Variants in JPH3 observed in about 807,000 individuals in gnomAD.
JPH3 encodes junctophilin-3.
Under a neutral mutation model 59.6 loss-of-function variants are expected in JPH3, and 11 were observed. The observed-to-expected ratio is 0.18, with a 90% CI of 0.12 to 0.31. The LOEUF (loss-of-function observed/expected upper bound fraction) is 0.31. JPH3 is among the 10% of genes least tolerant of loss of function. JPH3 has a pLI of 1.00. For synonymous variants in JPH3, 673 were observed against 483.6 expected, an observed-to-expected ratio of 1.39 and a Z score of -5.14; for missense variants, 1,202 against 1,105.7, an observed-to-expected ratio of 1.09 and a Z score of -1.24.
intron 1 of JPH3, among the ~76,000 whole-genome samples, chr16:87,612,410 C>A (rs1378088282): frequency 2.0e-5 from 3 of 152,024 alleles, no homozygotes; most frequent in African/African-American, 4.8e-5. Flanking sequence ...GTGTGAGCAA[C>A]TTTTTTACAG....
chr16:87,636,699 C>A (rs964628040), intron 1 of JPH3, among the ~76,000 whole-genome samples: 1 of 152,220 alleles, frequency 6.6e-6, no homozygotes, highest in Non-Finnish European at 1.5e-5. Flanking sequence ...GAGCTATGTT[C>A]CCACCAGGGG....
At chr16:87,638,664 C>T (rs1327663964) in intron 1 of JPH3, among the ~76,000 whole-genome samples, 1 of 152,064 alleles carries the variant, frequency 6.6e-6, no homozygotes, top group African/African-American at 2.4e-5. Flanking sequence ...ACCCGGGGTC[C>T]CTGCTCTGCT....
chr16:87,650,796 C>G (rs932048152), intron 2 of JPH3, among the ~76,000 whole-genome samples: 1 of 152,306 alleles, frequency 6.6e-6, no homozygotes, highest in East Asian at 1.9e-4. Flanking sequence ...GAGCTGGAAA[C>G]GAGCAGAGGC....
At chr16:87,684,111 C>A in intron 2 of JPH3, 31 bp from the exon 3 acceptor site, 1 of 1,581,350 alleles carries the variant, frequency 6.3e-7, no homozygotes, top group African/African-American at 1.3e-5. Flanking sequence ...TGCCCCCTGC[C>A]CCCCCTCACG....
chr16:87,636,407 T>G (rs957188473), intron 1 of JPH3, among the ~76,000 whole-genome samples: 2 of 152,230 alleles, frequency 1.3e-5, no homozygotes, highest in African/African-American at 4.8e-5. Context: ...GCCGAGCTGA[T>G]GGTGCAGGCG....
Position 87,690,271 on chromosome 16 carries a change from G to C in JPH3, c.1911G>C (p.Arg637=). The change falls in exon 4 of 5, where the codon CGG becomes CGC. Residue 637 remains arginine, a synonymous_variant. Transcript: ENST00000284262. ...KRRYSKGGAC[R]GLGDDHRPED... ...GCTACAGCAAGGGCGGCGCCTGCCG[G>C]GGCTTGGGGGACGACCACCGCCCCG... The C allele has an allele frequency of 6.2e-7, 1 of 1,602,092 alleles. No homozygotes were observed.
At chr16:87,674,233 G>A (rs552826673) in intron 2 of JPH3, among the ~76,000 whole-genome samples, 3 of 152,078 alleles carry the variant, frequency 2.0e-5, no homozygotes, top group African/African-American at 7.2e-5. Flanking sequence ...ACTCGGGAGT[G>A]TGAGGCAGGA....
chr16:87,630,761 G>A (rs527502115), intron 1 of JPH3, among the ~76,000 whole-genome samples: 50 of 152,188 alleles, frequency 3.3e-4, no homozygotes, highest in South Asian at 6.2e-4. Context: ...TGTGTTTGCC[G>A]CTTCCTGAGC....
intron 2 of JPH3, among the ~76,000 whole-genome samples, chr16:87,666,598 A>G (rs563248919): frequency 7.2e-5 from 11 of 151,954 alleles, no homozygotes; most frequent in Non-Finnish European, 1.0e-4. Flanking sequence ...GGGTCTCCCT[A>G]TGTTGGTCAG....
chr16:87,631,066 C>T (rs1254957952), intron 1 of JPH3, among the ~76,000 whole-genome samples: 2 of 152,062 alleles, frequency 1.3e-5, no homozygotes, highest in African/African-American at 4.8e-5. Context: ...TTTCACCTTC[C>T]AACTGCTCAG....
chr16:87,683,492 G>C (rs2033344563), intron 2 of JPH3, among the ~76,000 whole-genome samples: 1 of 151,968 alleles, frequency 6.6e-6, no homozygotes, highest in Non-Finnish European at 1.5e-5. Flanking sequence ...TTTTAGTAGA[G>C]ACGGAGTTTC....
chr16:87,655,329 C>G (rs556190926), intron 2 of JPH3, among the ~76,000 whole-genome samples: 101 of 152,254 alleles, frequency 6.6e-4, no homozygotes, highest in African/African-American at 2.4e-3. Context: ...GGTTACAAAA[C>G]AAATAATTTT....
intron 2 of JPH3, among the ~76,000 whole-genome samples, chr16:87,677,225 C>CAAAAAAA (rs59575544): frequency 1.2e-4 from 10 of 81,724 alleles, no homozygotes; most frequent in African/African-American, 4.3e-4. Context: ...CACACACACA[C>CAAAAAAA]AAAAAAAAAA....
chr16:87,645,519 C>T (rs2032117781), intron 2 of JPH3, among the ~76,000 whole-genome samples: 1 of 152,144 alleles, frequency 6.6e-6, no homozygotes, highest in South Asian at 2.1e-4. Context: ...TGGGAGATGG[C>T]AGCAGTTGGG....
rs141265680 is a variant in JPH3 at position 87,645,973 on chromosome 16, C to A, written c.1160+938C>A. On this transcript the variant is annotated intron_variant, in intron 2 of 4. Transcript: ENST00000284262. ...AAAACCCAGAGCCTTTGCTTTCCAC[C>A]GGCATTTGCTTTCCTGGGCCAGACG... Among the ~76,000 whole-genome samples the A allele has an allele frequency of 1.5e-3, 221 of 152,348 alleles. 4 individuals carry two copies. Among genetic ancestry groups the A allele is most frequent in the Non-Finnish European group, 1.5e-3 (103 of 68,040 alleles).
rs564075169 is a variant in JPH3, at chr16:87,683,615, T to C, written c.1161-527T>C. On this transcript the variant is annotated intron_variant, in intron 2 of 4. Coordinates refer to ENST00000284262, the MANE Select transcript of JPH3 (RefSeq NM_020655.4). ...CACTGTGCCCAGCCCCTCCCCTTTT[T>C]TTTTTCCTTGAGACAGAGTCTTGCT... 2.0e-5 allele frequency among the ~76,000 whole-genome samples: 3 copies of C among 151,246 alleles called. No individual in the cohort carries two copies. In the South Asian group the frequency reaches 6.3e-4, roughly 32 times the overall value.
At chr16:87,667,292 A>T (rs1478627127) in intron 2 of JPH3, among the ~76,000 whole-genome samples, 1 of 152,196 alleles carries the variant, frequency 6.6e-6, no homozygotes, top group Admixed American at 6.5e-5. Flanking sequence ...TCATCTGCAG[A>T]GATGCTTTTC....
intron 1 of JPH3, among the ~76,000 whole-genome samples, chr16:87,643,165 G>C (rs1031376124): frequency 6.6e-6 from 1 of 152,200 alleles, no homozygotes; most frequent in African/African-American, 2.4e-5. Context: ...GCCCAGCTCA[G>C]TTCACTCTGT....
At chr16:87,678,635 A>G (rs1257307229) in intron 2 of JPH3, among the ~76,000 whole-genome samples, 1 of 152,164 alleles carries the variant, frequency 6.6e-6, no homozygotes, top group Non-Finnish European at 1.5e-5. Context: ...CCCAAAAGCT[A>G]GGTCTGCCTG....
Sources: gnomAD v4.1 joint callset for allele counts (sites outside exome capture counted in the v4.1 genomes callset) on GRCh38, gnomAD v4.1.1 for gene constraint, MANE v1.5 for transcripts, NCBI Gene and HGNC (gene_info 2026-07-23, HGNC 2026-07-21) for gene names.